The following RIPOR2 variants were observed in gnomAD, a reference collection of about 807,000 sequenced individuals.
RIPOR2 encodes the protein RHO family interacting cell polarization regulator 2.
Under a neutral mutation model 114.5 loss-of-function variants are expected in RIPOR2, and 39 were observed. The ratio of observed to expected loss-of-function variants is 0.34; its 90% CI spans 0.26 to 0.44. The LOEUF (loss-of-function observed/expected upper bound fraction) is 0.44, where lower values mean the gene tolerates loss of function less well. Among genes scored for constraint, RIPOR2 ranks in the 20% least tolerant of loss-of-function variants. RIPOR2 has a pLI of 1.00. For synonymous variants in RIPOR2, 445 were observed against 484.4 expected, an observed-to-expected ratio of 0.92 and a Z score of 1.07; for missense variants, 1,007 against 1,255.1, an observed-to-expected ratio of 0.80 and a Z score of 2.99.
At chr6:24,922,858 CAAAAAA>C (rs869160864) in intron 1 of RIPOR2, among the ~76,000 whole-genome samples, 2,754 of 78,650 alleles carry the variant, frequency 0.035, 99 homozygotes, top group African/African-American at 0.1. Context: ...AGGACAGTCT[CAAAAAA>C]AAAAAAAAAA....
At chr6:24,843,646 A>G in intron 12 of RIPOR2, 92 bp from the exon 13 acceptor site, 1 of 969,294 alleles carries the variant, frequency 1.0e-6, no homozygotes, top group South Asian at 1.9e-5. Context: ...TAAGGCAATT[A>G]CAATGAAAAA....
intron 1 of RIPOR2, among the ~76,000 whole-genome samples, chr6:25,040,592 C>CTT (rs34600543): frequency 4.6e-4 from 63 of 136,044 alleles, no homozygotes; most frequent in East Asian, 8.5e-4. Context: ...GTGTTTCTTG[C>CTT]TTTTTTTTTT....
chr6:24,981,719 A>C (rs1478950473), intron 1 of RIPOR2, among the ~76,000 whole-genome samples: 6 of 152,188 alleles, frequency 3.9e-5, no homozygotes, highest in Non-Finnish European at 8.8e-5. Flanking sequence ...GCCACTTGCT[A>C]ATTGTGGAAG....
intron 15 of RIPOR2, 57 bp from the exon 16 acceptor site, chr6:24,832,448 C>T (rs1554203434): frequency 6.7e-7 from 1 of 1,483,682 alleles, no homozygotes; most frequent in South Asian, 1.2e-5. Flanking sequence ...AGAGCTTTCT[C>T]TACCCAGCCT....
At chr6:25,006,315 A>G (rs564566275) in intron 1 of RIPOR2, among the ~76,000 whole-genome samples, 11 of 152,352 alleles carry the variant, frequency 7.2e-5, no homozygotes, top group African/African-American at 1.9e-4. Flanking sequence ...ACTTTACTAG[A>G]GTTAAAACAA....
At chr6:25,022,747 T>C (rs1319473309) in intron 1 of RIPOR2, among the ~76,000 whole-genome samples, 4 of 151,740 alleles carry the variant, frequency 2.6e-5, no homozygotes, top group Admixed American at 2.6e-4. Flanking sequence ...AGTCCCACTA[T>C]GTTGTCCAGG....
intron 1 of RIPOR2, chr6:25,015,942 C>T (rs1250968934): frequency 1.6e-5 from 2 of 122,950 alleles, no homozygotes; most frequent in Non-Finnish European, 3.2e-5. Context: ...CTTACTCTGT[C>T]ACCTAGGCTG....
chr6:24,901,702 G>T (rs1172766647), intron 1 of RIPOR2, among the ~76,000 whole-genome samples: 1 of 152,150 alleles, frequency 6.6e-6, no homozygotes, highest in Non-Finnish European at 1.5e-5. Context: ...GTGATTGAAG[G>T]GGGAGGGCAG....
chr6:24,949,189 A>G (rs545762317), intron 1 of RIPOR2, among the ~76,000 whole-genome samples: 7 of 152,310 alleles, frequency 4.6e-5, no homozygotes, highest in Admixed American at 1.3e-4. Flanking sequence ...AGACTTACAA[A>G]CAAGGGTGTA....
chr6:24,870,029 A>G (rs1010796055), intron 5 of RIPOR2, among the ~76,000 whole-genome samples: 3 of 152,228 alleles, frequency 2.0e-5, no homozygotes, highest in African/African-American at 7.2e-5. Context: ...GCACATAGAA[A>G]GGCATGGAGC....
intron 1 of RIPOR2, among the ~76,000 whole-genome samples, chr6:24,927,877 G>A (rs1015410941): frequency 3.9e-5 from 6 of 152,178 alleles, no homozygotes; most frequent in African/African-American, 1.4e-4. Flanking sequence ...CAGTTTGGAA[G>A]TCTGGAAGCT....
Position 24,835,472 on chromosome 6 carries a change from A to G in RIPOR2, c.2208+231T>C, listed in dbSNP as rs73398404. ...AATGAGTCAAAAGTGAGAGCTAACC[A>G]TATGCCACCTACTACTGTGAAGGTC... On this transcript the variant is annotated intron_variant, in intron 15 of 21. Transcript: ENST00000643898. Among the ~76,000 whole-genome samples the G allele has an allele frequency of 0.032, 4,936 of 152,166 alleles. 172 individuals carry two copies. Among genetic ancestry groups the G allele is most frequent in the African/African-American group, 0.088 (3,655 of 41,490 alleles).
At chr6:24,993,978 G>A (rs1581924658) in intron 1 of RIPOR2, among the ~76,000 whole-genome samples, 1 of 152,138 alleles carries the variant, frequency 6.6e-6, no homozygotes, top group Non-Finnish European at 1.5e-5. Context: ...TTAATTTGCA[G>A]TTGAGCCCAA....
chr6:24,906,779 A>G (rs1208590702), intron 1 of RIPOR2, among the ~76,000 whole-genome samples: 1 of 151,928 alleles, frequency 6.6e-6, no homozygotes. Flanking sequence ...TGAGACTACA[A>G]GCATGCACCA....
intron 1 of RIPOR2, among the ~76,000 whole-genome samples, chr6:24,975,891 A>G (rs1373924618): frequency 6.6e-6 from 1 of 152,174 alleles, no homozygotes; most frequent in Non-Finnish European, 1.5e-5. Flanking sequence ...GGGAAAAAAC[A>G]AACTTCTAGA....
At chr6:24,948,194 C>G (rs1456523440) in intron 1 of RIPOR2, 1 of 152,186 alleles carries the variant, frequency 6.6e-6, no homozygotes, top group African/African-American at 2.4e-5. Context: ...AATATACAGG[C>G]TATGAAGAAT....
chr6:24,863,690 A>G (rs1323456402), intron 7 of RIPOR2, among the ~76,000 whole-genome samples: 1 of 152,252 alleles, frequency 6.6e-6, no homozygotes, highest in Non-Finnish European at 1.5e-5. Flanking sequence ...GAAGGTAGAA[A>G]ACAAGCCACA....
At chr6:24,958,068 CA>C (rs1773124596) in intron 1 of RIPOR2, among the ~76,000 whole-genome samples, 2 of 151,252 alleles carry the variant, frequency 1.3e-5, no homozygotes, top group South Asian at 4.2e-4. Context: ...TCTAAGAGAA[CA>C]AAAAATATAC....
intron 14 of RIPOR2, 91 bp from the exon 15 acceptor site, chr6:24,835,962 C>T: frequency 8.2e-7 from 1 of 1,218,200 alleles, no homozygotes. Context: ...CCCAACAGCA[C>T]CCACTGAAAA....
Sources: allele counts gnomAD v4.1 joint callset (sites outside exome capture counted in the v4.1 genomes callset), GRCh38; gene constraint gnomAD v4.1.1; transcripts MANE v1.5; gene names NCBI Gene and HGNC (gene_info 2026-07-23, HGNC 2026-07-21).